Variants in PAX7 observed in about 807,000 individuals in gnomAD.
PAX7 encodes the protein paired box protein Pax-7.
PAX7 carries 18 observed loss-of-function variants against 50.7 expected under a neutral mutation model. The ratio of observed to expected loss-of-function variants is 0.36; its 90% CI spans 0.25 to 0.53. The LOEUF is 0.53. Ranked by LOEUF, PAX7 falls within the 20% of genes least tolerant of loss-of-function variation. The probability of loss-of-function intolerance (pLI) is 0.93; values close to 1 mark genes in which losing one functional copy is unlikely to be tolerated. For missense variants in PAX7, 644 were observed against 702.9 expected, an observed-to-expected ratio of 0.92 and a Z score of 0.95; for synonymous variants, 310 against 290.4, an observed-to-expected ratio of 1.07 and a Z score of -0.69.
At chr1:18,677,115 C>T (rs9439717) in intron 4 of PAX7, among the ~76,000 whole-genome samples, 47,495 of 152,088 alleles carry the variant, frequency 0.31, 8,079 homozygotes, top group Middle Eastern at 0.44. Context: ...GACACTTCCG[C>T]CCTGACAACT....
At chr1:18,710,852 G>A (rs893268959) in intron 7 of PAX7, among the ~76,000 whole-genome samples, 1 of 152,194 alleles carries the variant, frequency 6.6e-6, no homozygotes, top group Non-Finnish European at 1.5e-5. Flanking sequence ...AGGATTGCCT[G>A]CCCCGCTGAA....
chr1:18,690,736 T>G (rs1271987841), intron 4 of PAX7, among the ~76,000 whole-genome samples: 1 of 152,144 alleles, frequency 6.6e-6, no homozygotes, highest in Non-Finnish European at 1.5e-5. Context: ...GATAATGGGG[T>G]GGGGTCCATG....
At position 18,635,254 on chromosome 1, in the gene PAX7, TGAGCCGGCA is replaced by T. The variant is rs1469034945; in HGVS notation, c.451+19_451+27del. On this transcript the variant is annotated intron_variant, in intron 3 of 8. Coordinates refer to ENST00000420770, the MANE Select transcript of PAX7 (RefSeq NM_001135254.2). ...CTGTGCCCTCAGGTGAGAAGGCAGCTGAGCCGGCAGAGCTGGCCCAGAGTGTGGCCAGGG... is the reference window on the plus strand; with the variant it reads ...CTGTGCCCTCAGGTGAGAAGGCAGCTGAGCTGGCCCAGAGTGTGGCCAGGG... The T allele has an allele frequency of 6.2e-7, 1 of 1,612,488 alleles. No homozygotes were observed. Among genetic ancestry groups the T allele is most frequent in the Non-Finnish European group, 8.5e-7 (1 of 1,179,316 alleles).
At chr1:18,706,452 C>T (rs1330745318) in intron 7 of PAX7, among the ~76,000 whole-genome samples, 2 of 141,410 alleles carry the variant, frequency 1.4e-5, no homozygotes, top group Non-Finnish European at 3.0e-5. Flanking sequence ...TCTTTTCTCT[C>T]TCTCTCTCTT....
At chr1:18,727,367 C>CA (rs1274194698) in intron 7 of PAX7, among the ~76,000 whole-genome samples, 65 of 111,328 alleles carry the variant, frequency 5.8e-4, no homozygotes, top group Non-Finnish European at 1.1e-3. Context: ...CTCTCTCTCT[C>CA]TCATACACAC....
intron 4 of PAX7, among the ~76,000 whole-genome samples, chr1:18,656,368 G>A (rs2088521781): frequency 6.6e-6 from 1 of 152,068 alleles, no homozygotes; most frequent in Non-Finnish European, 1.5e-5. Flanking sequence ...GTGAGGTGGT[G>A]CACACCTGTA....
At chr1:18,725,991 T>TGTGCGCGCGCGCGC (rs1352891256) in intron 7 of PAX7, among the ~76,000 whole-genome samples, 10 of 143,208 alleles carry the variant, frequency 7.0e-5, no homozygotes, top group Non-Finnish European at 1.1e-4. Context: ...TGTGTGTGTG[T>TGTGCGCGCGCGCGC]GTGCGCGCGC....
At chr1:18,707,511 C>T (rs2089300066) in intron 7 of PAX7, among the ~76,000 whole-genome samples, 5 of 150,202 alleles carry the variant, frequency 3.3e-5, no homozygotes, top group Admixed American at 3.3e-4. Flanking sequence ...CCTCTGCCTC[C>T]TCCCAGGTTC....
At chr1:18,668,537 C>G (rs1014048765) in intron 4 of PAX7, among the ~76,000 whole-genome samples, 18 of 152,018 alleles carry the variant, frequency 1.2e-4, no homozygotes, top group African/African-American at 4.3e-4. Context: ...CCCATCTTTA[C>G]AAAAAATTTA....
At chr1:18,644,459 G>T (rs529908807) in intron 4 of PAX7, among the ~76,000 whole-genome samples, 2 of 152,180 alleles carry the variant, frequency 1.3e-5, no homozygotes, top group East Asian at 3.9e-4. Context: ...TTAAGAATAG[G>T]CTAAAACCGA....
At chr1:18,687,703 T>A (rs531000459) in intron 4 of PAX7, among the ~76,000 whole-genome samples, 4 of 145,328 alleles carry the variant, frequency 2.8e-5, no homozygotes, top group Non-Finnish European at 6.1e-5. Context: ...CGGTGGGCAG[T>A]GAGACAGAGC....
In PAX7 at chr1:18,700,469, C is replaced by T. The variant is rs1041669032; in HGVS notation, c.787-184C>T. On this transcript the variant is annotated intron_variant, in intron 5 of 8. Transcript: ENST00000420770. This position sits in a 1 kb window ranked among gnomAD's most constrained non-coding sequence, Gnocchi z 4.8. ...ACCCCCTCACTGGTGGTTGTGAGGG[C>T]AGAATGGGGTCATACCTATGAAATC... 9.2e-5 allele frequency among the ~76,000 whole-genome samples: 14 copies of T among 152,154 alleles called. No individual in the cohort carries two copies. Among genetic ancestry groups the T allele is most frequent in the African/African-American group, 3.4e-4 (14 of 41,442 alleles).
chr1:18,691,631 T>C, intron 4 of PAX7, 123 bp from the exon 5 acceptor site: 1 of 752,452 alleles, frequency 1.3e-6, no homozygotes, highest in Non-Finnish European at 2.2e-6. Context: ...GGGAGGAGTC[T>C]GATCGAAGTG....
intron 4 of PAX7, among the ~76,000 whole-genome samples, chr1:18,668,463 G>A (rs2088699110): frequency 6.6e-6 from 1 of 152,192 alleles, no homozygotes; most frequent in Admixed American, 6.5e-5. Flanking sequence ...CACTTTGGGA[G>A]GCCAAGGCAG....
intron 4 of PAX7, among the ~76,000 whole-genome samples, chr1:18,675,726 C>T (rs1004118824): frequency 3.3e-5 from 5 of 152,188 alleles, no homozygotes; most frequent in African/African-American, 1.2e-4. Context: ...TCATAACTAG[C>T]TCAGAACGGG....
chr1:18,671,840 G>T (rs1012117531), intron 4 of PAX7, among the ~76,000 whole-genome samples: 4 of 151,954 alleles, frequency 2.6e-5, no homozygotes, highest in Non-Finnish European at 2.9e-5. Flanking sequence ...AGCCAGGCAT[G>T]GTGGTGCCCA....
intron 4 of PAX7, among the ~76,000 whole-genome samples, chr1:18,637,885 C>A (rs1372601986): frequency 1.3e-5 from 2 of 152,212 alleles, no homozygotes; most frequent in African/African-American, 4.8e-5. Context: ...CCCGGCCTGC[C>A]GAGGGGCCAC....
Position 18,689,684 on chromosome 1 carries a change from C to T in PAX7, c.587-2070C>T, listed in dbSNP as rs184763748. Among the ~76,000 whole-genome samples, 12 of 152,340 alleles carry T rather than the reference C, an allele frequency of 7.9e-5. No homozygotes were observed. The East Asian group carries it at 1.7e-3, about 22-fold the overall frequency. On this transcript the variant is annotated intron_variant, in intron 4 of 8. Coordinates refer to ENST00000420770, the MANE Select transcript of PAX7 (RefSeq NM_001135254.2). Reference sequence around the variant, plus strand: ...TTGCCAAGATGGATGACCCTCCAGGCGCATGACCTCTCACACATCCGGGCC... The same window carrying T: ...TTGCCAAGATGGATGACCCTCCAGGTGCATGACCTCTCACACATCCGGGCC...
chr1:18,656,217 G>A (rs2088517427), intron 4 of PAX7, among the ~76,000 whole-genome samples: 3 of 152,214 alleles, frequency 2.0e-5, no homozygotes, highest in Admixed American at 6.5e-5. Flanking sequence ...GGCAAGTCCG[G>A]GCGCAGTGGC....
Sources: gnomAD v4.1 joint callset for allele counts (sites outside exome capture counted in the v4.1 genomes callset) on GRCh38, gnomAD v4.1.1 for gene constraint, Gnocchi (gnomAD v3.1) non-coding constraint, MANE v1.5 for transcripts, NCBI Gene and HGNC (gene_info 2026-07-23, HGNC 2026-07-21) for gene names.